TXLNB: variants seen among roughly 807,000 people sequenced by gnomAD.
TXLNB encodes taxilin beta, also known as beta-taxilin.
Under a neutral mutation model 57.4 loss-of-function variants are expected in TXLNB, and 37 were observed. The observed-to-expected ratio is 0.64, with a 90% CI of 0.50 to 0.85. TXLNB has a LOEUF of 0.85. TXLNB is among the 40% of genes least tolerant of loss of function. The probability of loss-of-function intolerance (pLI) is 0.00; values close to 1 mark genes in which losing one functional copy is unlikely to be tolerated. For missense variants in TXLNB, 848 were observed against 825.6 expected, an observed-to-expected ratio of 1.03 and a Z score of -0.33; for synonymous variants, 302 against 309.6, an observed-to-expected ratio of 0.98 and a Z score of 0.26.
the TXLNB span, among the ~76,000 whole-genome samples, chr6:139,221,829 A>G: frequency 6.6e-6 from 1 of 152,204 alleles, no homozygotes; most frequent in Non-Finnish European, 1.5e-5. Context: ...ATAGGAGTAA[A>G]GGATTAGATG....
chr6:139,300,353 G>A, the TXLNB span, among the ~76,000 whole-genome samples: 2 of 152,104 alleles, frequency 1.3e-5, no homozygotes, highest in South Asian at 2.1e-4. Context: ...GTAGAACAAC[G>A]CAACCTGGGA....
chr6:139,274,444 T>G (rs1486860205), intron 3 of TXLNB, among the ~76,000 whole-genome samples: 1 of 152,244 alleles, frequency 6.6e-6, no homozygotes, highest in Non-Finnish European at 1.5e-5. Context: ...ATGTGATAAG[T>G]TTTTTGGGTT....
At chr6:139,202,209 C>T in the TXLNB span, among the ~76,000 whole-genome samples, 1 of 152,142 alleles carries the variant, frequency 6.6e-6, no homozygotes, top group African/African-American at 2.4e-5. Flanking sequence ...ACTGGACTAA[C>T]CAAGAACCAT....
upstream of TXLNB, among the ~76,000 whole-genome samples, chr6:139,294,590 G>A (rs1777357647): frequency 6.6e-6 from 1 of 151,820 alleles, no homozygotes; most frequent in African/African-American, 2.4e-5. Context: ...CCTCTGCCAT[G>A]TGAGGGTGCA....
chr6:139,182,819 A>C, the TXLNB span, among the ~76,000 whole-genome samples: 2 of 152,352 alleles, frequency 1.3e-5, no homozygotes, highest in South Asian at 4.1e-4. Flanking sequence ...GAAACAGCAA[A>C]AGTAAAAATA....
upstream of TXLNB, among the ~76,000 whole-genome samples, chr6:139,295,763 C>A (rs1777378753): frequency 6.6e-6 from 1 of 152,072 alleles, no homozygotes; most frequent in African/African-American, 2.4e-5. Context: ...TAATTCATAT[C>A]CTATATTGTC....
rs1301454358 is a variant in TXLNB at position 139,241,782 on chromosome 6, G to T, written c.*744C>A. 6.6e-6 allele frequency: 1 copy of T among 152,046 alleles called. No individual in the cohort carries two copies. The highest frequency in any genetic ancestry group is 2.4e-5 in the African/African-American group (1 of 41,368). 9.4% of individuals were successfully genotyped at this position (152,046 alleles called of 1,614,324 possible). On this transcript the variant is annotated 3_prime_UTR_variant, in exon 10 of 10. Coordinates refer to ENST00000358430, the MANE Select transcript of TXLNB (RefSeq NM_153235.4). The stretch of plus-strand genomic sequence containing the variant: ...GGTTGAATTCATTTATCTACCATTG[G>T]GTTACTTATTTTTGCCCAACATAAT...
intron 6 of TXLNB, 38 bp downstream of exon 6, chr6:139,260,280 G>A: frequency 6.2e-7 from 1 of 1,610,140 alleles, no homozygotes; most frequent in Admixed American, 1.7e-5. Context: ...TGACACTGAG[G>A]TAGACCAGAT....
the TXLNB span, chr6:139,183,419 A>T: frequency 6.6e-6 from 1 of 152,344 alleles, no homozygotes; most frequent in South Asian, 2.1e-4. Flanking sequence ...GATCGTTGCC[A>T]GTTGTGCATG....
chr6:139,204,599 G>A, the TXLNB span, among the ~76,000 whole-genome samples: 1 of 152,162 alleles, frequency 6.6e-6, no homozygotes, highest in Non-Finnish European at 1.5e-5. Flanking sequence ...GGGGGCAAGT[G>A]GGAAGTGTGC....
chr6:139,200,913 C>A, the TXLNB span, among the ~76,000 whole-genome samples: 1 of 152,140 alleles, frequency 6.6e-6, no homozygotes, highest in Non-Finnish European at 1.5e-5. Flanking sequence ...CCATACCATG[C>A]ATCTGGGTCA....
rs148564348 is a variant in TXLNB at position 139,282,623 on chromosome 6, G to T, written c.425-5702C>A. 4.3e-4 allele frequency among the ~76,000 whole-genome samples: 63 copies of T among 145,632 alleles called. 9 individuals are homozygous for T. Among genetic ancestry groups the T allele is most frequent in the African/African-American group, 1.5e-3 (59 of 39,614 alleles). ...TAAATGGATGTCTGAAGACATTTCA[G>T]AATACTGATGTCCTAGTCAGGAGCC... On this transcript the variant is annotated intron_variant, in intron 2 of 9. Coordinates refer to ENST00000358430, the MANE Select transcript of TXLNB (RefSeq NM_153235.4).
Position 139,266,951 on chromosome 6 carries a change from T to C in TXLNB, c.687+3505A>G, listed in dbSNP as rs139976437. On this transcript the variant is annotated intron_variant, in intron 4 of 9. Transcript: ENST00000358430. ...AAAAGCCAGTATAGTGGCACATTTA[T>C]TTAAGGCTAAAAGGAAAAAAAAAAA... 5.6e-3 allele frequency among the ~76,000 whole-genome samples: 815 copies of C among 145,556 alleles called. 2 individuals carry two copies. The highest frequency in any genetic ancestry group is 0.021 in the African/African-American group (781 of 37,250).
chr6:139,166,432 C>T, the TXLNB span: 1 of 1,614,220 alleles, frequency 6.2e-7, no homozygotes, highest in Non-Finnish European at 8.5e-7. Flanking sequence ...GGGAGAGCAG[C>T]ATCCTCGTCC....
chr6:139,219,512 C>T, the TXLNB span, among the ~76,000 whole-genome samples: 6 of 152,214 alleles, frequency 3.9e-5, no homozygotes, highest in African/African-American at 1.4e-4. Flanking sequence ...ATTATCAGTG[C>T]GGTGGCAGCT....
upstream of TXLNB, among the ~76,000 whole-genome samples, chr6:139,295,348 G>C (rs67059016): frequency 0.28 from 42,885 of 152,102 alleles, 6,325 homozygotes; most frequent in African/African-American, 0.35. Context: ...TCAAATCAAC[G>C]TTAAAAGAAC....
the TXLNB span, among the ~76,000 whole-genome samples, chr6:139,181,906 A>G: frequency 1.4e-3 from 210 of 152,382 alleles, 6 homozygotes; most frequent in South Asian, 0.041. Context: ...TATGTGCACA[A>G]TAAACATACA....
chr6:139,181,306 A>G, the TXLNB span, among the ~76,000 whole-genome samples: 2 of 152,242 alleles, frequency 1.3e-5, no homozygotes, highest in South Asian at 2.1e-4. Context: ...CAGTTGTTTC[A>G]GTAACCCATG....
the TXLNB span, among the ~76,000 whole-genome samples, chr6:139,306,237 T>G: frequency 6.6e-6 from 1 of 152,212 alleles, no homozygotes; most frequent in Non-Finnish European, 1.5e-5. Context: ...CAGAGAAAAG[T>G]CTGTCTCCTT....
Sources: allele counts gnomAD v4.1 joint callset (sites outside exome capture counted in the v4.1 genomes callset), GRCh38; gene constraint gnomAD v4.1.1; transcripts MANE v1.5; gene names NCBI Gene and HGNC (gene_info 2026-07-23, HGNC 2026-07-21).